Variants in CHRNA7 observed in about 807,000 individuals in gnomAD.
The protein encoded by CHRNA7 is cholinergic receptor nicotinic alpha 7 subunit, also known as neuronal acetylcholine receptor subunit alpha-7.
In CHRNA7, 17 loss-of-function variants were observed where a neutral mutation model predicts 48.0. That is an observed-to-expected ratio of 0.35 (90% CI 0.24 to 0.53). The LOEUF (loss-of-function observed/expected upper bound fraction) is 0.53. Ranked by LOEUF, CHRNA7 falls within the 20% of genes least tolerant of loss-of-function variation. CHRNA7 has a pLI of 0.92. For synonymous variants in CHRNA7, 75 were observed against 242.3 expected, an observed-to-expected ratio of 0.31 and a Z score of 6.41; for missense variants, 155 against 577.7, an observed-to-expected ratio of 0.27 and a Z score of 7.50.
At chr15:32,135,536 G>A (rs1037451364) in intron 4 of CHRNA7, among the ~76,000 whole-genome samples, 2 of 152,186 alleles carry the variant, frequency 1.3e-5, no homozygotes, top group South Asian at 2.1e-4. Context: ...TACGGTCCGC[G>A]CACAGTGGCA....
intron 4 of CHRNA7, among the ~76,000 whole-genome samples, chr15:32,128,104 G>A (rs934609398): frequency 6.6e-6 from 1 of 151,946 alleles, no homozygotes; most frequent in African/African-American, 2.4e-5. Flanking sequence ...GAAAAAATCA[G>A]TTGGGTATAT....
intron 4 of CHRNA7, among the ~76,000 whole-genome samples, chr15:32,151,432 G>A (rs952203904): frequency 6.6e-6 from 1 of 152,070 alleles, no homozygotes; most frequent in African/African-American, 2.4e-5. Flanking sequence ...AGCTCTTCAA[G>A]GCTTTAATGT....
chr15:32,135,323 G>A (rs74011120), intron 4 of CHRNA7, among the ~76,000 whole-genome samples: 233 of 152,320 alleles, frequency 1.5e-3, no homozygotes, highest in African/African-American at 5.5e-3. Context: ...GAATCTATTT[G>A]ACTCATATCA....
chr15:32,091,690 C>G (rs1345675684), intron 2 of CHRNA7, among the ~76,000 whole-genome samples: 1 of 152,140 alleles, frequency 6.6e-6, no homozygotes, highest in Non-Finnish European at 1.5e-5. Flanking sequence ...GAAAGAGAAT[C>G]TTTTCTATAG....
At chr15:32,061,251 G>A (rs72713557) in intron 2 of CHRNA7, among the ~76,000 whole-genome samples, 5,006 of 152,158 alleles carry the variant, frequency 0.033, 116 homozygotes, top group Non-Finnish European at 0.054. Flanking sequence ...CACCCAGCCC[G>A]GACCTGGGAG....
chr15:32,148,156 C>G (rs187058442), intron 4 of CHRNA7, among the ~76,000 whole-genome samples: 1 of 152,282 alleles, frequency 6.6e-6, no homozygotes, highest in East Asian at 1.9e-4. Context: ...TGAACCCATG[C>G]GAAGCATTTT....
At chr15:32,129,854 A>G (rs2051126611) in intron 4 of CHRNA7, among the ~76,000 whole-genome samples, 1 of 151,986 alleles carries the variant, frequency 6.6e-6, no homozygotes, top group Non-Finnish European at 1.5e-5. Context: ...GCAGTACTAT[A>G]AATTTATTCT....
At chr15:32,123,062 A>C (rs567643710) in intron 4 of CHRNA7, among the ~76,000 whole-genome samples, 1 of 152,346 alleles carries the variant, frequency 6.6e-6, no homozygotes, top group African/African-American at 2.4e-5. Flanking sequence ...ATTACTCAGA[A>C]TTGTATTCCA....
chr15:32,150,948 G>C (rs555120976), intron 4 of CHRNA7, among the ~76,000 whole-genome samples: 3 of 149,908 alleles, frequency 2.0e-5, no homozygotes, highest in Admixed American at 1.3e-4. Flanking sequence ...TGGAAGTAAG[G>C]GGGGGGGATG....
At chr15:32,127,791 C>T (rs932467428) in intron 4 of CHRNA7, among the ~76,000 whole-genome samples, 1 of 152,044 alleles carries the variant, frequency 6.6e-6, no homozygotes, top group Non-Finnish European at 1.5e-5. Context: ...GGGTCTTTCA[C>T]AGAGTAAACA....
intron 2 of CHRNA7, among the ~76,000 whole-genome samples, chr15:32,064,895 A>G (rs2049940516): frequency 6.6e-6 from 1 of 152,188 alleles, no homozygotes; most frequent in African/African-American, 2.4e-5. Context: ...GGCAGTTGCC[A>G]CTTGTGCATT....
At chr15:32,164,954 G>T in intron 9 of CHRNA7, among the ~76,000 whole-genome samples, 1 of 122,414 alleles carries the variant, frequency 8.2e-6, no homozygotes, top group East Asian at 2.3e-4. Context: ...AGACTGACTT[G>T]TAGCTCATTA....
chr15:32,064,608 C>A (rs1028189332), intron 2 of CHRNA7, among the ~76,000 whole-genome samples: 4 of 151,834 alleles, frequency 2.6e-5, no homozygotes, highest in African/African-American at 9.7e-5. Context: ...TGGATGGGAA[C>A]GTATTTTGGG....
chr15:32,132,242 A>G (rs1454641899), intron 4 of CHRNA7, among the ~76,000 whole-genome samples: 3 of 152,102 alleles, frequency 2.0e-5, no homozygotes, highest in Non-Finnish European at 4.4e-5. Context: ...AGCTTTCCTC[A>G]GGACTTCTTT....
At chr15:32,049,833 G>A (rs1238627707) in intron 2 of CHRNA7, among the ~76,000 whole-genome samples, 1 of 152,056 alleles carries the variant, frequency 6.6e-6, no homozygotes, top group Non-Finnish European at 1.5e-5. Context: ...CTCTTTTAGG[G>A]CAGGCCTGGT....
At chr15:32,054,639 T>C (rs2049753507) in intron 2 of CHRNA7, among the ~76,000 whole-genome samples, 1 of 152,230 alleles carries the variant, frequency 6.6e-6, no homozygotes, top group African/African-American at 2.4e-5. Flanking sequence ...TCTCTGGAAC[T>C]CTGTATAAGA....
intron 2 of CHRNA7, among the ~76,000 whole-genome samples, chr15:32,084,519 C>T (rs571396094): frequency 3.7e-4 from 56 of 152,316 alleles, no homozygotes; most frequent in African/African-American, 1.3e-3. Context: ...TTGGATTTAC[C>T]GTGGTGGCTC....
In CHRNA7 at chr15:32,091,045, T is replaced by TA. The variant is rs370764184; in HGVS notation, c.196-10257dup. Reference sequence around the variant, plus strand: ...CCACCCATTGAGCTTTTATTTCAGTTACTAAATTTTTCATTTTGTAAAGCT... The same window carrying TA: ...CCACCCATTGAGCTTTTATTTCAGTTAACTAAATTTTTCATTTTGTAAAGCT... On this transcript the variant is annotated intron_variant, in intron 2 of 9. Transcript: ENST00000306901. Among the ~76,000 whole-genome samples the TA allele has an allele frequency of 6.4e-3, 979 of 152,318 alleles. 15 individuals are homozygous for TA. The highest frequency in any genetic ancestry group is 0.023 in the African/African-American group (945 of 41,578).
In CHRNA7 at chr15:32,085,367, A is replaced by G. The variant is rs565065057; in HGVS notation, c.196-15936A>G. On this transcript the variant is annotated intron_variant, in intron 2 of 9. Transcript: ENST00000306901. ...TGATAGATCATTAGCCGTCTCTGCT[A>G]CTTTATATATTTTCTGTATCTTTAT... 5.9e-5 allele frequency among the ~76,000 whole-genome samples: 9 copies of G among 152,336 alleles called. No homozygotes were observed. The South Asian group carries it at 1.9e-3, about 32-fold the overall frequency.
Sources: allele counts gnomAD v4.1 joint callset (sites outside exome capture counted in the v4.1 genomes callset), GRCh38; gene constraint gnomAD v4.1.1; transcripts MANE v1.5; gene names NCBI Gene and HGNC (gene_info 2026-07-23, HGNC 2026-07-21).